PPP1R16A: variants seen among roughly 807,000 people sequenced by gnomAD.
PPP1R16A encodes the protein myosin phosphatase-targeting subunit 3.
Under a neutral mutation model 46.6 loss-of-function variants are expected in PPP1R16A, and 39 were observed. That is an observed-to-expected ratio of 0.84 (90% CI 0.65 to 1.09). The LOEUF is 1.09. PPP1R16A is among the 50% of genes least tolerant of loss of function. The probability of loss-of-function intolerance (pLI) is 0.00; values close to 1 mark genes in which losing one functional copy is unlikely to be tolerated. For missense variants in PPP1R16A, 798 were observed against 735.6 expected (o/e 1.08, Z -0.98); for synonymous variants, 413 against 321.5 (o/e 1.28, Z -3.04).
At position 144,500,718 on chromosome 8, in the gene PPP1R16A, G is replaced by A. The variant is rs764048138; in HGVS notation, c.864G>A (p.Gly288=). 6.2e-7 allele frequency: 1 copy of A among 1,611,664 alleles called. No homozygotes were observed. The highest frequency in any genetic ancestry group is 8.5e-7 in the Non-Finnish European group (1 of 1,179,694). ...VPLVELLVAH[G]ADLNAKSLMD... is the part of the protein sequence containing the mutation. ...TGGTGGAGCTGCTCGTGGCGCACGG[G>A]GCCGACCTGAACGCAAAGTCCCTGA... Residue 288 remains glycine, a synonymous_variant, in exon 9 of 12, where the codon GGG becomes GGA. Transcript: ENST00000435887.
At position 144,501,828 on chromosome 8, in the gene PPP1R16A, C is replaced by T; in HGVS notation, c.1512C>T (p.Asp504=). The change falls in exon 12 of 12, where the codon GAC becomes GAT. Residue 504 remains aspartate, a synonymous_variant. Coordinates refer to ENST00000435887, the MANE Select transcript of PPP1R16A (RefSeq NM_001329443.2). ...ACTGTGGCTTCAGGGCAGGCGGGGA[C>T]CCACCCCTGCTCAAGCTCACAGCCC... ...QPDCGFRAGG[D]PPLLKLTAPA... 6.4e-7 allele frequency: 1 copy of T among 1,550,774 alleles called. No homozygotes were observed. The highest frequency in any genetic ancestry group is 8.7e-7 in the Non-Finnish European group (1 of 1,148,882).
In PPP1R16A at chr8:144,497,644, G is replaced by T. The variant is rs1171759466; in HGVS notation, c.259+191G>T. 2.6e-5 allele frequency: 20 copies of T among 773,422 alleles called. No individual in the cohort carries two copies. In the East Asian group the frequency reaches 5.1e-4, roughly 20 times the overall value. The allele number at this position is 773,422 out of a possible 1,614,324, so 47.9% of individuals were successfully genotyped here. On this transcript the variant is annotated intron_variant, in intron 3 of 11. Transcript: ENST00000435887. The stretch of plus-strand genomic sequence containing the variant: ...TCAGGCAAGCCCCAAGCAGTGGGCA[G>T]CCCTGAGGTGAGCCTGTGCGGGACA...
chr8:144,489,761 C>T (rs1284271942), intron 1 of PPP1R16A, among the ~76,000 whole-genome samples: 1 of 152,210 alleles, frequency 6.6e-6, no homozygotes, highest in Non-Finnish European at 1.5e-5. Flanking sequence ...TCCCACTGTC[C>T]CTCCCCAGGG....
At position 144,500,745 on chromosome 8, in the gene PPP1R16A, G is replaced by A. The variant is rs1364799041; in HGVS notation, c.891G>A (p.Met297Ile). The A allele has an allele frequency of 5.0e-6, 8 of 1,611,700 alleles. No homozygotes were observed. Among genetic ancestry groups the A allele is most frequent in the East Asian group, 2.2e-5 (1 of 44,876 alleles). Residue 297 changes from methionine to isoleucine, a missense_variant, in exon 9 of 12, where the codon ATG (methionine) becomes ATA (isoleucine). Coordinates refer to ENST00000435887, the MANE Select transcript of PPP1R16A (RefSeq NM_001329443.2). Reference protein sequence around the residue: ...HGADLNAKSLMDETPLDVCGD... With the variant: ...HGADLNAKSLIDETPLDVCGD... ...CCGACCTGAACGCAAAGTCCCTGAT[G>A]GACGAGACGCCCCTTGGTGAGCTTG...
At chr8:144,482,070 C>A (rs758997046) in intron 1 of PPP1R16A, among the ~76,000 whole-genome samples, 2 of 136,216 alleles carry the variant, frequency 1.5e-5, no homozygotes, top group African/African-American at 5.0e-5. Context: ...GCCACTGTGC[C>A]CGGCTGCCGC....
At position 144,500,730 on chromosome 8, in the gene PPP1R16A, C is replaced by T. The variant is rs1233838203; in HGVS notation, c.876C>T (p.Asn292=). The T allele has an allele frequency of 6.2e-7, 1 of 1,611,912 alleles. No individual in the cohort carries two copies. Residue 292 remains asparagine, a synonymous_variant, in exon 9 of 12, where the codon AAC becomes AAT. Coordinates refer to ENST00000435887, the MANE Select transcript of PPP1R16A (RefSeq NM_001329443.2). ...TCGTGGCGCACGGGGCCGACCTGAA[C>T]GCAAAGTCCCTGATGGACGAGACGC... The part of the protein sequence containing the change: ...ELLVAHGADL[N]AKSLMDETPL...
rs979350064 is a variant in PPP1R16A at position 144,496,969 on chromosome 8, GTGCCCTCCCACAC to G, written c.-216_-204del. On this transcript the variant is annotated 5_prime_UTR_variant, in exon 3 of 12. Transcript: ENST00000435887. ...GGCTGGCCTGGGGAGCAGGTTTGGGGTGCCCTCCCACACTGCCCTCCCTGCCCCGGCCCATGCC... is the reference window on the plus strand; with the variant it reads ...GGCTGGCCTGGGGAGCAGGTTTGGGGTGCCCTCCCTGCCCCGGCCCATGCC... The G allele has an allele frequency of 1.1e-5, 7 of 612,840 alleles. No homozygotes were observed. Among genetic ancestry groups the G allele is most frequent in the African/African-American group, 9.3e-5 (5 of 54,018 alleles). 38.0% of individuals were successfully genotyped at this position (612,840 alleles called of 1,614,324 possible).
intron 5 of PPP1R16A, chr8:144,499,851 C>T (rs1826319168): frequency 5.8e-6 from 3 of 519,906 alleles, no homozygotes; most frequent in Admixed American, 6.5e-5. Flanking sequence ...GGCACCGCTG[C>T]CCCTGGAGGT....
intron 1 of PPP1R16A, among the ~76,000 whole-genome samples, chr8:144,488,762 A>G (rs1319043699): frequency 6.6e-6 from 1 of 151,986 alleles, no homozygotes; most frequent in African/African-American, 2.4e-5. Context: ...TGGGATGCTC[A>G]GGGAGAGGAT....
intron 2 of PPP1R16A, among the ~76,000 whole-genome samples, chr8:144,490,777 AG>A (rs1242573083): frequency 6.6e-6 from 1 of 152,230 alleles, no homozygotes; most frequent in Non-Finnish European, 1.5e-5. Flanking sequence ...AAGTCTGGCC[AG>A]GCATGGTGAT....
At chr8:144,497,492 G>GC in intron 3 of PPP1R16A, 39 bp downstream of exon 3, 4 of 1,609,892 alleles carry the variant, frequency 2.5e-6, no homozygotes, top group Non-Finnish European at 3.4e-6. Flanking sequence ...CCAGCAGACG[G>GC]CCCACTCCCT....
rs1246434097 is a variant in PPP1R16A, at chr8:144,502,022, A to G, written c.*119A>G. 4 of 1,010,782 alleles carry G rather than the reference A, an allele frequency of 4.0e-6. No homozygotes were observed. The highest frequency in any genetic ancestry group is 5.4e-5 in the East Asian group (2 of 37,304). 62.6% of individuals were successfully genotyped at this position (1,010,782 alleles called of 1,614,324 possible). A position where few individuals can be genotyped will look rare whatever the true frequency, so the allele number is the denominator to read the frequency against. On this transcript the variant is annotated 3_prime_UTR_variant, in exon 12 of 12. Coordinates refer to ENST00000435887, the MANE Select transcript of PPP1R16A (RefSeq NM_001329443.2). ...AACCCCGGCTTCTACTGTACAGGAC[A>G]CTGGCCCCTCTCAGGTCAGAAGACA...
At chr8:144,486,039 C>T (rs113877437) in intron 1 of PPP1R16A, among the ~76,000 whole-genome samples, 3,689 of 152,270 alleles carry the variant, frequency 0.024, 143 homozygotes, top group African/African-American at 0.085. Flanking sequence ...TATGGATGGA[C>T]GGACCATCAT....
chr8:144,484,671 TGGTTTC>T, intron 1 of PPP1R16A, among the ~76,000 whole-genome samples: 1 of 152,346 alleles, frequency 6.6e-6, no homozygotes, highest in Non-Finnish European at 1.5e-5. Flanking sequence ...ACGCTTCCCC[TGGTTTC>T]TGGGGAGAGG....
At chr8:144,486,952 T>A (rs1373915875) in intron 1 of PPP1R16A, among the ~76,000 whole-genome samples, 2 of 152,184 alleles carry the variant, frequency 1.3e-5, no homozygotes, top group Non-Finnish European at 2.9e-5. Flanking sequence ...TACGTTAGAT[T>A]TGCATTTCAC....
At chr8:144,491,619 T>C (rs1313846262) in intron 2 of PPP1R16A, among the ~76,000 whole-genome samples, 1 of 151,778 alleles carries the variant, frequency 6.6e-6, no homozygotes, top group African/African-American at 2.4e-5. Context: ...AAAAATTAGC[T>C]GGGTGTGGTG....
chr8:144,497,054 A>G lies in PPP1R16A; in HGVS notation c.-141A>G. 11 of 1,173,496 alleles carry G rather than the reference A, an allele frequency of 9.4e-6. No homozygotes were observed. The highest frequency in any genetic ancestry group is 1.1e-5 in the Non-Finnish European group (9 of 835,450). 72.7% of individuals were successfully genotyped at this position (1,173,496 alleles called of 1,614,324 possible). ...GTTATTGTGTGGGGCCTCCTGACCCAGCCAAGGGCACGAAGCTCTGGGAAG... is the reference window on the plus strand; with the variant it reads ...GTTATTGTGTGGGGCCTCCTGACCCGGCCAAGGGCACGAAGCTCTGGGAAG... On this transcript the variant is annotated 5_prime_UTR_variant, in exon 3 of 12. Coordinates refer to ENST00000435887, the MANE Select transcript of PPP1R16A (RefSeq NM_001329443.2).
At chr8:144,492,370 C>T (rs1223155111) in intron 2 of PPP1R16A, among the ~76,000 whole-genome samples, 3 of 140,182 alleles carry the variant, frequency 2.1e-5, no homozygotes, top group Non-Finnish European at 4.5e-5. Context: ...GAGTCTCTCT[C>T]TGTCACCCAG....
intron 1 of PPP1R16A, among the ~76,000 whole-genome samples, chr8:144,488,040 C>T (rs763777112): frequency 3.3e-5 from 5 of 152,192 alleles, no homozygotes; most frequent in African/African-American, 9.7e-5. Context: ...AGGCTTATTC[C>T]GAGGCATTGA....
Sources: gnomAD v4.1 joint callset for allele counts (sites outside exome capture counted in the v4.1 genomes callset) on GRCh38, gnomAD v4.1.1 for gene constraint, MANE v1.5 for transcripts, NCBI Gene and HGNC (gene_info 2026-07-23, HGNC 2026-07-21) for gene names.